The following CEP83 variants were observed in gnomAD, a reference collection of about 807,000 sequenced individuals.
CEP83 encodes the protein centrosomal protein 83.
Under a neutral mutation model 101.9 loss-of-function variants are expected in CEP83, and 70 were observed. The ratio of observed to expected loss-of-function variants is 0.69; its 90% CI spans 0.57 to 0.84. CEP83 has a LOEUF of 0.84. CEP83 is among the 40% of genes least tolerant of loss of function. The probability of loss-of-function intolerance (pLI) is 0.00; values close to 1 mark genes in which losing one functional copy is unlikely to be tolerated. For missense variants in CEP83, 715 were observed against 787.2 expected, an observed-to-expected ratio of 0.91 and a Z score of 1.10; for synonymous variants, 264 against 267.9, an observed-to-expected ratio of 0.99 and a Z score of 0.14.
chr12:94,441,314 A>T (rs2066379356), intron 1 of CEP83, among the ~76,000 whole-genome samples: 1 of 152,248 alleles, frequency 6.6e-6, no homozygotes, highest in Admixed American at 6.5e-5. Context: ...GAGGAACTCA[A>T]ACAAATCTGC....
At chr12:94,297,383 A>T in the CEP83 span, 1 of 1,613,930 alleles carries the variant, frequency 6.2e-7, no homozygotes, top group Non-Finnish European at 8.5e-7. Flanking sequence ...CACAAGTTCA[A>T]AGTAAAAGAA....
At chr12:94,353,723 G>A (rs142316877) in intron 11 of CEP83, among the ~76,000 whole-genome samples, 1 of 138,614 alleles carries the variant, frequency 7.2e-6, no homozygotes, top group African/African-American at 2.7e-5. Flanking sequence ...GTCTGAAAAC[G>A]AAGTGGGGGA....
At chr12:94,317,057 C>A (rs1434994713) in intron 14 of CEP83, among the ~76,000 whole-genome samples, 1 of 152,098 alleles carries the variant, frequency 6.6e-6, no homozygotes, top group African/African-American at 2.4e-5. Flanking sequence ...TCAAAGTATT[C>A]CCTTTTCTCC....
intron 2 of CEP83, among the ~76,000 whole-genome samples, chr12:94,427,268 T>C (rs1025263761): frequency 2.6e-5 from 4 of 152,214 alleles, no homozygotes; most frequent in Non-Finnish European, 1.5e-5. Flanking sequence ...GAAATTCATA[T>C]TGAAAATTTT....
At chr12:94,268,614 A>ATTTTTTTTTTTTTTTTTTT in the CEP83 span, among the ~76,000 whole-genome samples, 50 of 66,872 alleles carry the variant, frequency 7.5e-4, no homozygotes, top group African/African-American at 1.8e-3. Flanking sequence ...TTTTTTTTTA[A>ATTTTTTTTTTTTTTTTTTT]TTTAAGGAAT....
At chr12:94,451,788 C>A (rs1408340449) in intron 1 of CEP83, among the ~76,000 whole-genome samples, 5 of 152,084 alleles carry the variant, frequency 3.3e-5, no homozygotes, top group Non-Finnish European at 7.4e-5. Flanking sequence ...TCAACAATTC[C>A]ACTCCTAGGA....
chr12:94,383,255 T>C (rs2061949834), intron 6 of CEP83, among the ~76,000 whole-genome samples: 1 of 152,132 alleles, frequency 6.6e-6, no homozygotes, highest in Non-Finnish European at 1.5e-5. Flanking sequence ...AAACTGCCTA[T>C]ACTGTTATAC....
In CEP83 at chr12:94,333,527, C is replaced by T. The variant is rs587777487; in HGVS notation, c.1532G>A (p.Arg511Gln). The T allele has an allele frequency of 2.7e-5, 44 of 1,613,342 alleles. No homozygotes were observed. In the African/African-American group the frequency reaches 4.1e-4, roughly 15 times the overall value. Residue 511 changes from arginine to glutamine, a missense_variant, in exon 13 of 17, where the codon CGA (arginine) becomes CAA (glutamine). Transcript: ENST00000397809. Reference protein sequence around the residue: ...EMVERLKQECRNFRSQAEKAQ... With the variant: ...EMVERLKQECQNFRSQAEKAQ... ...TTTTTCAGCTTGGCTTCTAAAATTT[C>T]GGCATTCTTGTTTTAATCTCTCCAC...
chr12:94,429,210 G>A (rs955871559), intron 2 of CEP83, among the ~76,000 whole-genome samples: 3 of 152,186 alleles, frequency 2.0e-5, no homozygotes, highest in Non-Finnish European at 4.4e-5. Flanking sequence ...CTGCTTATCC[G>A]AGATTAGCTA....
chr12:94,350,125 C>T (rs933867550), intron 11 of CEP83, among the ~76,000 whole-genome samples: 1 of 152,106 alleles, frequency 6.6e-6, no homozygotes, highest in Non-Finnish European at 1.5e-5. Context: ...ATATTTTGCA[C>T]AGAAATAGAA....
intron 2 of CEP83, among the ~76,000 whole-genome samples, chr12:94,418,788 T>G (rs2064488272): frequency 6.6e-6 from 1 of 152,150 alleles, no homozygotes; most frequent in Non-Finnish European, 1.5e-5. Context: ...ATTATATACT[T>G]TAAAATAGTT....
intron 14 of CEP83, among the ~76,000 whole-genome samples, chr12:94,313,458 C>T (rs1970174704): frequency 6.7e-6 from 1 of 148,406 alleles, no homozygotes; most frequent in Non-Finnish European, 1.5e-5. Flanking sequence ...TGGATTAAGC[C>T]TAGGAGTTCA....
chr12:94,267,209 A>G, the CEP83 span, among the ~76,000 whole-genome samples: 1 of 152,224 alleles, frequency 6.6e-6, no homozygotes, highest in Non-Finnish European at 1.5e-5. Flanking sequence ...CAGTCATGAG[A>G]CAACACCGGA....
At chr12:94,269,259 T>C in the CEP83 span, among the ~76,000 whole-genome samples, 8 of 152,192 alleles carry the variant, frequency 5.3e-5, no homozygotes, top group East Asian at 1.9e-4. Flanking sequence ...ACAAAAATAT[T>C]ATTGCCTTCA....
intron 11 of CEP83, among the ~76,000 whole-genome samples, chr12:94,337,493 C>A (rs2059500157): frequency 6.6e-6 from 1 of 152,010 alleles, no homozygotes; most frequent in African/African-American, 2.4e-5. Context: ...AGGAATAAGA[C>A]TAATGGTATT....
the CEP83 span, among the ~76,000 whole-genome samples, chr12:94,283,925 A>G: frequency 6.6e-6 from 1 of 152,090 alleles, no homozygotes; most frequent in Admixed American, 6.5e-5. Flanking sequence ...CTCTAAAAAT[A>G]CAAAAAAATT....
At chr12:94,267,113 C>T in the CEP83 span, among the ~76,000 whole-genome samples, 1 of 152,146 alleles carries the variant, frequency 6.6e-6, no homozygotes, top group Non-Finnish European at 1.5e-5. Flanking sequence ...ATGTTCATGC[C>T]TTTACTTTAA....
the CEP83 span, among the ~76,000 whole-genome samples, chr12:94,287,811 T>A: frequency 6.6e-6 from 1 of 152,254 alleles, no homozygotes; most frequent in South Asian, 2.1e-4. Context: ...TGTCTTTAGA[T>A]ATTCATTTAA....
intron 11 of CEP83, among the ~76,000 whole-genome samples, chr12:94,348,112 A>G (rs942364315): frequency 2.0e-5 from 3 of 152,040 alleles, no homozygotes; most frequent in African/African-American, 7.2e-5. Context: ...TACCACAAAA[A>G]AAATATATAT....
Sources: allele counts gnomAD v4.1 joint callset (sites outside exome capture counted in the v4.1 genomes callset), GRCh38; gene constraint gnomAD v4.1.1; transcripts MANE v1.5; gene names NCBI Gene and HGNC (gene_info 2026-07-23, HGNC 2026-07-21).